The following ZNF469 variants were observed in gnomAD, a reference collection of about 807,000 sequenced individuals.
The protein encoded by ZNF469 is zinc finger protein 469.
A neutral mutation model predicts 1.0 loss-of-function variants in ZNF469; 1 was observed. The ratio of observed to expected loss-of-function variants is 1.00; its 90% CI spans 0.35 to 4.73. The LOEUF (loss-of-function observed/expected upper bound fraction) is 4.73. ZNF469 is among the 30% of genes most tolerant of loss of function. ZNF469 has a pLI of 0.16. For missense variants in ZNF469, 6,100 were observed against 5,356.3 expected (o/e 1.14, Z -4.33); for synonymous variants, 2,703 against 2,363.4 (o/e 1.14, Z -4.17).
At chr16:88,282,402 GT>G in the ZNF469 span, among the ~76,000 whole-genome samples, 1 of 152,198 alleles carries the variant, frequency 6.6e-6, no homozygotes, top group East Asian at 1.9e-4. Flanking sequence ...GTGTGTCTGG[GT>G]GTGGCGGGGA....
the ZNF469 span, among the ~76,000 whole-genome samples, chr16:88,167,288 C>G: frequency 6.6e-6 from 1 of 152,064 alleles, no homozygotes; most frequent in Non-Finnish European, 1.5e-5. Context: ...TCTTGAACTC[C>G]TGACTTCAGG....
chr16:88,381,207 C>CAG (rs761081010), upstream of ZNF469, among the ~76,000 whole-genome samples: 1 of 137,676 alleles, frequency 7.3e-6, no homozygotes, highest in African/African-American at 3.3e-5. Flanking sequence ...CATTCACAGA[C>CAG]ACACACACAG....
the ZNF469 span, among the ~76,000 whole-genome samples, chr16:88,117,517 G>A: frequency 6.8e-6 from 1 of 148,040 alleles, no homozygotes; most frequent in East Asian, 2.0e-4. Flanking sequence ...CCTGGGGAGG[G>A]CTGGGCCTCT....
At chr16:88,185,184 G>C in the ZNF469 span, among the ~76,000 whole-genome samples, 1 of 148,854 alleles carries the variant, frequency 6.7e-6, no homozygotes. Context: ...TGGATACACA[G>C]GCACACACAT....
the ZNF469 span, among the ~76,000 whole-genome samples, chr16:88,238,889 C>T: frequency 6.6e-6 from 1 of 152,370 alleles, no homozygotes; most frequent in South Asian, 2.1e-4. Context: ...GTTCCTGCCC[C>T]TCAGCCTTGT....
chr16:88,143,626 G>T, the ZNF469 span, among the ~76,000 whole-genome samples: 2 of 152,380 alleles, frequency 1.3e-5, no homozygotes, highest in Non-Finnish European at 2.9e-5. Flanking sequence ...ACATGTGTCA[G>T]ACACGGGTGA....
At chr16:88,328,395 C>T in the ZNF469 span, among the ~76,000 whole-genome samples, 4 of 152,238 alleles carry the variant, frequency 2.6e-5, no homozygotes, top group Non-Finnish European at 5.9e-5. Flanking sequence ...GTGCCTTCTT[C>T]ACAACCTCCA....
the ZNF469 span, among the ~76,000 whole-genome samples, chr16:88,163,456 A>T: frequency 6.6e-6 from 1 of 151,252 alleles, no homozygotes; most frequent in Non-Finnish European, 1.5e-5. Flanking sequence ...GGAGTGATGG[A>T]TGGATGGATA....
chr16:88,214,832 CTCA>C, the ZNF469 span, among the ~76,000 whole-genome samples: 2 of 152,284 alleles, frequency 1.3e-5, no homozygotes, highest in African/African-American at 4.8e-5. Context: ...AGGACATGAA[CTCA>C]TCCTTTTTTA....
chr16:88,297,897 T>G, the ZNF469 span, among the ~76,000 whole-genome samples: 1 of 152,174 alleles, frequency 6.6e-6, no homozygotes, highest in South Asian at 2.1e-4. Context: ...CGGTGTGGCT[T>G]TTGTCCCCAG....
At chr16:88,216,894 C>G in the ZNF469 span, among the ~76,000 whole-genome samples, 2 of 151,848 alleles carry the variant, frequency 1.3e-5, no homozygotes, top group Non-Finnish European at 2.9e-5. Context: ...CCAAGTCTGT[C>G]TTCTTCTTTG....
chr16:88,219,062 G>C, the ZNF469 span, among the ~76,000 whole-genome samples: 18 of 149,758 alleles, frequency 1.2e-4, no homozygotes, highest in East Asian at 3.5e-3. Context: ...AACTGACAAG[G>C]GATGTGAAGG....
chr16:88,407,964 C>T (rs765642159), intron 1 of ZNF469, among the ~76,000 whole-genome samples: 7 of 152,234 alleles, frequency 4.6e-5, no homozygotes, highest in Non-Finnish European at 1.5e-5. Context: ...ATCTGACACA[C>T]GGGCACTCAC....
the ZNF469 span, among the ~76,000 whole-genome samples, chr16:88,284,271 A>G: frequency 1.3e-5 from 2 of 152,222 alleles, no homozygotes; most frequent in South Asian, 2.1e-4. Context: ...CAGTTTGCTG[A>G]CAGAGCCCCT....
chr16:88,333,578 G>A, the ZNF469 span, among the ~76,000 whole-genome samples: 43 of 152,288 alleles, frequency 2.8e-4, no homozygotes, highest in South Asian at 1.4e-3. Flanking sequence ...AGGGGCCCAC[G>A]GGTGACTGAG....
the ZNF469 span, among the ~76,000 whole-genome samples, chr16:88,183,610 T>C: frequency 4.6e-5 from 7 of 152,080 alleles, no homozygotes; most frequent in African/African-American, 1.7e-4. Context: ...CAGGTGGTGG[T>C]TGGAGGCCGG....
At chr16:88,212,259 C>A in the ZNF469 span, among the ~76,000 whole-genome samples, 1 of 152,186 alleles carries the variant, frequency 6.6e-6, no homozygotes, top group African/African-American at 2.4e-5. Flanking sequence ...CCTGGTGGAT[C>A]CTTGCATAGG....
At chr16:88,421,638 C>A (rs35995188) in intron 1 of ZNF469, among the ~76,000 whole-genome samples, 8,146 of 152,256 alleles carry the variant, frequency 0.054, 299 homozygotes, top group Non-Finnish European at 0.078. Context: ...GTTCTGCCCG[C>A]AAGCTGGGCA....
At chr16:88,357,509 C>T in the ZNF469 span, among the ~76,000 whole-genome samples, 9 of 152,158 alleles carry the variant, frequency 5.9e-5, no homozygotes, top group African/African-American at 1.9e-4. Flanking sequence ...GTGGCATCAG[C>T]CAGGAAGTAG....
Sources: allele counts gnomAD v4.1 joint callset (sites outside exome capture counted in the v4.1 genomes callset), GRCh38; gene constraint gnomAD v4.1.1; transcripts MANE v1.5; gene names NCBI Gene and HGNC (gene_info 2026-07-23, HGNC 2026-07-21).